ELP4: variants seen among roughly 807,000 people sequenced by gnomAD.
ELP4 encodes the protein elongator acetyltransferase complex subunit 4, also known as elongator complex protein 4.
In ELP4, 51 loss-of-function variants were observed where a neutral mutation model predicts 48.9. The ratio of observed to expected loss-of-function variants is 1.04; its 90% CI spans 0.83 to 1.32. ELP4 has a LOEUF of 1.32. Among genes scored for constraint, ELP4 ranks in the 40% most tolerant of loss-of-function variants. ELP4 has a pLI of 0.00. For synonymous variants in ELP4, 210 were observed against 189.2 expected (o/e 1.11, Z -0.90); for missense variants, 519 against 514.6 (o/e 1.01, Z -0.08).
At chr11:31,751,888 A>G (rs1288008713) in intron 9 of ELP4, among the ~76,000 whole-genome samples, 1 of 152,132 alleles carries the variant, frequency 6.6e-6, no homozygotes, top group Admixed American at 6.5e-5. Context: ...ACCCTTTACA[A>G]TATGCCAGAT....
At chr11:31,742,173 A>G (rs1947469956) in intron 9 of ELP4, among the ~76,000 whole-genome samples, 1 of 152,236 alleles carries the variant, frequency 6.6e-6, no homozygotes, top group East Asian at 1.9e-4. Context: ...GAATGAAATG[A>G]AGCGAGAAGA....
At chr11:31,550,528 T>G (rs151130416) in intron 3 of ELP4, among the ~76,000 whole-genome samples, 17 of 152,316 alleles carry the variant, frequency 1.1e-4, no homozygotes, top group African/African-American at 3.6e-4. Flanking sequence ...GTCCTGGGAA[T>G]TTAACTATGT....
intron 2 of ELP4, among the ~76,000 whole-genome samples, chr11:31,529,777 A>C (rs1360571672): frequency 1.3e-5 from 2 of 152,142 alleles, no homozygotes; most frequent in Non-Finnish European, 2.9e-5. Context: ...CCAAAGAGAG[A>C]CTGAGGATGA....
chr11:31,629,289 C>T (rs1944810553), intron 6 of ELP4, among the ~76,000 whole-genome samples: 1 of 151,860 alleles, frequency 6.6e-6, no homozygotes, highest in South Asian at 2.1e-4. Flanking sequence ...TGTACAGCTA[C>T]AAGGTTCTTT....
In ELP4 at chr11:31,681,222, T is replaced by C. The variant is rs1039498890; in HGVS notation, c.1143+31001T>C. ...TATTCAAGCTGAACAGAGAAAAGCA[T>C]TTTAAATTCATCTAACAGTCATGTA... On this transcript the variant is annotated intron_variant, in intron 9 of 9. Transcript: ENST00000640961. 4.6e-5 allele frequency among the ~76,000 whole-genome samples: 7 copies of C among 152,310 alleles called. No individual in the cohort carries two copies. In the East Asian group the frequency reaches 1.4e-3, roughly 29 times the overall value.
intron 9 of ELP4, among the ~76,000 whole-genome samples, chr11:31,778,035 T>G (rs1216081255): frequency 1.3e-5 from 2 of 152,202 alleles, no homozygotes; most frequent in South Asian, 4.1e-4. Context: ...GAGCGTTTGT[T>G]TCCTCCCCAT....
chr11:31,674,592 A>G lies in ELP4; in HGVS notation c.1143+24371A>G, dbSNP rs565421371. Among the ~76,000 whole-genome samples, 9 of 152,380 alleles carry G rather than the reference A, an allele frequency of 5.9e-5. No homozygotes were observed. The South Asian group carries it at 1.7e-3, about 28-fold the overall frequency. ...TAATATGGAAAGGAAAGTCTCATTT[A>G]TAAAACTGTGAAAAGAGTTACCATT... On this transcript the variant is annotated intron_variant, in intron 9 of 9. Coordinates refer to ENST00000640961, the MANE Select transcript of ELP4 (RefSeq NM_019040.5).
chr11:31,745,464 G>A (rs1222956348), intron 9 of ELP4, among the ~76,000 whole-genome samples: 1 of 152,168 alleles, frequency 6.6e-6, no homozygotes, highest in African/African-American at 2.4e-5. Context: ...CAAAGCTGGA[G>A]GCATCATGCT....
chr11:31,533,395 T>G (rs536049531), intron 2 of ELP4, among the ~76,000 whole-genome samples: 1 of 101,468 alleles, frequency 9.9e-6, no homozygotes, highest in East Asian at 3.2e-4. Flanking sequence ...TTTTTTTTTT[T>G]GTGACAGAGT....
rs1473420783 is a variant in ELP4 at position 31,515,473 on chromosome 11, C to T, written c.224-4583C>T. 2.0e-5 allele frequency among the ~76,000 whole-genome samples: 3 copies of T among 152,022 alleles called. No homozygotes were observed. In the South Asian group the frequency reaches 6.2e-4, roughly 32 times the overall value. ...AACCAGCCTGGGCAATATAGTGAGA[C>T]CCCATCTCTACAAAGAATCAAAGAA... On this transcript the variant is annotated intron_variant, in intron 1 of 9. Coordinates refer to ENST00000640961, the MANE Select transcript of ELP4 (RefSeq NM_019040.5).
intron 9 of ELP4, among the ~76,000 whole-genome samples, chr11:31,682,824 A>G (rs1372397093): frequency 6.6e-6 from 1 of 152,182 alleles, no homozygotes; most frequent in African/African-American, 2.4e-5. Context: ...CAGAAGGAAG[A>G]TATTTGAGTT....
chr11:31,557,055 AAG>A (rs1956942264), intron 3 of ELP4, among the ~76,000 whole-genome samples: 2 of 151,936 alleles, frequency 1.3e-5, no homozygotes. Flanking sequence ...TCTGAGAATA[AAG>A]AGTTCATTAA....
At position 31,786,190 on chromosome 11, in the gene ELP4, G is replaced by A. The variant is rs767004336; in HGVS notation, c.*2666G>A. 18 of 204,250 alleles carry A rather than the reference G, an allele frequency of 8.8e-5. No individual in the cohort carries two copies. The highest frequency in any genetic ancestry group is 1.5e-4 in the Non-Finnish European group (15 of 99,952). The allele number at this position is 204,250 out of a possible 1,614,324, so 12.7% of individuals were successfully genotyped here. Reference sequence around the variant, plus strand: ...AAATAAAACTACTTTAGAAGGAAGCGACACTCTGCAATCAATTCCCTGTCC... The same window carrying A: ...AAATAAAACTACTTTAGAAGGAAGCAACACTCTGCAATCAATTCCCTGTCC... On this transcript the variant is annotated 3_prime_UTR_variant, in exon 10 of 10. Transcript: ENST00000640961.
chr11:31,622,192 A>G (rs945704004), intron 5 of ELP4, among the ~76,000 whole-genome samples: 2 of 151,866 alleles, frequency 1.3e-5, no homozygotes, highest in African/African-American at 4.8e-5. Context: ...TCACTTATCA[A>G]CAAGTTATTT....
intron 4 of ELP4, among the ~76,000 whole-genome samples, chr11:31,596,484 T>A (rs971611325): frequency 3.9e-5 from 6 of 152,144 alleles, no homozygotes; most frequent in African/African-American, 1.4e-4. Flanking sequence ...ACACAGAAAA[T>A]TTTCTGTGAG....
rs890258806 is a variant in ELP4 at position 31,513,209 on chromosome 11, T to G, written c.223+3202T>G. Among the ~76,000 whole-genome samples, 23 of 152,172 alleles carry G rather than the reference T, an allele frequency of 1.5e-4. 1 individual carries two copies. The highest frequency in any genetic ancestry group is 1.4e-3 in the Admixed American group (21 of 15,282). On this transcript the variant is annotated intron_variant, in intron 1 of 9. Coordinates refer to ENST00000640961, the MANE Select transcript of ELP4 (RefSeq NM_019040.5). Reference sequence around the variant, plus strand: ...TAATTAGCTGTATATTTAAGAAAAATGTATTTTTTATTGCTATGTAAAATT... The same window carrying G: ...TAATTAGCTGTATATTTAAGAAAAAGGTATTTTTTATTGCTATGTAAAATT...
At chr11:31,527,348 T>A (rs1009040685) in intron 2 of ELP4, among the ~76,000 whole-genome samples, 5 of 152,088 alleles carry the variant, frequency 3.3e-5, no homozygotes, top group African/African-American at 1.2e-4. Flanking sequence ...CATCGCTACA[T>A]ATATAGGATA....
intron 2 of ELP4, among the ~76,000 whole-genome samples, chr11:31,528,553 G>A (rs1455266329): frequency 6.6e-6 from 1 of 152,054 alleles, no homozygotes; most frequent in African/African-American, 2.4e-5. Flanking sequence ...AGACTGCTCT[G>A]ATATGAAACA....
chr11:31,563,473 C>G (rs954121228), intron 3 of ELP4, among the ~76,000 whole-genome samples: 14 of 151,758 alleles, frequency 9.2e-5, no homozygotes, highest in African/African-American at 2.7e-4. Context: ...TGAAACGGGC[C>G]GAAATATATT....
Sources: gnomAD v4.1 joint callset for allele counts (sites outside exome capture counted in the v4.1 genomes callset) on GRCh38, gnomAD v4.1.1 for gene constraint, MANE v1.5 for transcripts, NCBI Gene and HGNC (gene_info 2026-07-23, HGNC 2026-07-21) for gene names.